Variants in RRM1 observed in about 807,000 individuals in gnomAD.
RRM1 encodes the protein ribonucleoside-diphosphate reductase large subunit.
A neutral mutation model predicts 101.5 loss-of-function variants in RRM1; 19 were observed. The ratio of observed to expected loss-of-function variants is 0.19; its 90% CI spans 0.13 to 0.27. The LOEUF (loss-of-function observed/expected upper bound fraction) is 0.27, where lower values mean the gene tolerates loss of function less well. RRM1 is among the 10% of genes least tolerant of loss of function. The probability of loss-of-function intolerance (pLI) is 1.00; values close to 1 mark genes in which losing one functional copy is unlikely to be tolerated. For synonymous variants in RRM1, 298 were observed against 323.4 expected (o/e 0.92, Z 0.84); for missense variants, 500 against 962.9 (o/e 0.52, Z 6.36).
At chr11:4,125,284 C>T (rs978664995) in intron 12 of RRM1, among the ~76,000 whole-genome samples, 2 of 152,112 alleles carry the variant, frequency 1.3e-5, no homozygotes, top group Non-Finnish European at 2.9e-5. Context: ...TTCCCTTCTT[C>T]CCTCAGCCCT....
intron 18 of RRM1, among the ~76,000 whole-genome samples, chr11:4,135,587 C>T (rs1414184543): frequency 1.3e-5 from 2 of 152,140 alleles, no homozygotes; most frequent in Non-Finnish European, 2.9e-5. Context: ...TATCTTCCTT[C>T]CTTTTCTGCT....
At chr11:4,121,941 A>G (rs2094582511) in intron 10 of RRM1, among the ~76,000 whole-genome samples, 176 bp downstream of exon 10, 1 of 152,242 alleles carries the variant, frequency 6.6e-6, no homozygotes. Flanking sequence ...TCTAAAGTAG[A>G]TGCTTTGTGA....
Position 4,112,256 on chromosome 11 carries a change from C to T in RRM1, c.650+194C>T, listed in dbSNP as rs549775580. Among the ~76,000 whole-genome samples the T allele has an allele frequency of 8.5e-5, 13 of 152,204 alleles. No homozygotes were observed. The East Asian group carries it at 2.5e-3, about 29-fold the overall frequency. On this transcript the variant is annotated intron_variant, in intron 7 of 18. Coordinates refer to ENST00000300738, the MANE Select transcript of RRM1 (RefSeq NM_001033.5). ...GGCAAATGCTTATAACAAAAATGTT[C>T]TAAAATTGATTGGATTGTGGTGATG... is the stretch of plus-strand genomic sequence containing the variant.
chr11:4,107,633 T>C, intron 4 of RRM1, 98 bp downstream of exon 4: 1 of 703,916 alleles, frequency 1.4e-6, no homozygotes. Context: ...TACAGGTAAA[T>C]ACTAATTCTG....
At chr11:4,098,217 A>G (rs902083635) in intron 1 of RRM1, among the ~76,000 whole-genome samples, 4 of 152,222 alleles carry the variant, frequency 2.6e-5, no homozygotes, top group African/African-American at 9.7e-5. Flanking sequence ...ATGTCTTTGA[A>G]AGCATCCATT....
At position 4,121,780 on chromosome 11, in the gene RRM1, C is replaced by T. The variant is rs372832163; in HGVS notation, c.1038+15C>T. 2.5e-6 allele frequency: 4 copies of T among 1,575,472 alleles called. No individual in the cohort carries two copies. Among genetic ancestry groups the T allele is most frequent in the Non-Finnish European group, 3.4e-6 (4 of 1,164,404 alleles). On this transcript the variant is annotated intron_variant, in intron 10 of 18. Transcript: ENST00000300738. Reference sequence around the variant, plus strand: ...AGACTAATCAGGTGAGAGATAGGTACTTGTTGGTAATAGCAACTTGATTCA... The same window carrying T: ...AGACTAATCAGGTGAGAGATAGGTATTTGTTGGTAATAGCAACTTGATTCA...
chr11:4,094,781 A>T (rs992845561), upstream of RRM1: 192 of 589,396 alleles, frequency 3.3e-4, no homozygotes, highest in Non-Finnish European at 2.3e-4. Flanking sequence ...GAGTAACGTC[A>T]TTCGAACCCC....
chr11:4,105,836 A>AT (rs1413731077), intron 2 of RRM1: 2 of 534,228 alleles, frequency 3.7e-6, no homozygotes, highest in Non-Finnish European at 6.6e-6. Context: ...AAGTGCTGTG[A>AT]TTATGGGTGT....
In RRM1 at chr11:4,111,729, A is replaced by C. The variant is rs538849390; in HGVS notation, c.487+89A>C. On this transcript the variant is annotated intron_variant, in intron 6 of 18. Transcript: ENST00000300738. The stretch of plus-strand genomic sequence containing the variant: ...GCTATAAGTCTTAATATTCTTGCTT[A>C]GACTCTAGATAACATTTTGGACTTT... The C allele has an allele frequency of 1.8e-4, 236 of 1,296,992 alleles. 1 individual carries two copies. The South Asian group carries it at 3.1e-3, about 17-fold the overall frequency. 80.3% of individuals were successfully genotyped at this position (1,296,992 alleles called of 1,614,324 possible).
chr11:4,130,223 G>T (rs2094597666), intron 15 of RRM1, among the ~76,000 whole-genome samples: 2 of 150,470 alleles, frequency 1.3e-5, no homozygotes, highest in Admixed American at 6.6e-5. Context: ...AAAATAGAAA[G>T]TAAAAGCCCT....
At chr11:4,097,749 G>A (rs942836803) in intron 1 of RRM1, among the ~76,000 whole-genome samples, 1 of 152,080 alleles carries the variant, frequency 6.6e-6, no homozygotes, top group Non-Finnish European at 1.5e-5. Flanking sequence ...GTGCCACCAC[G>A]CCTGGCTAGT....
At chr11:4,119,481 C>T (rs1375936369) in intron 8 of RRM1, among the ~76,000 whole-genome samples, 1 of 152,108 alleles carries the variant, frequency 6.6e-6, no homozygotes, top group East Asian at 1.9e-4. Flanking sequence ...GGGAAAAAGG[C>T]ATTGTAGTAG....
chr11:4,123,104 T>C, intron 11 of RRM1, 79 bp from the exon 12 acceptor site: 2 of 1,057,398 alleles, frequency 1.9e-6, no homozygotes, highest in Non-Finnish European at 2.7e-6. Flanking sequence ...CATAACTTTA[T>C]ATTTTAATGT....
chr11:4,098,024 A>G (rs1335618962), intron 1 of RRM1, among the ~76,000 whole-genome samples: 1 of 152,248 alleles, frequency 6.6e-6, no homozygotes, highest in Non-Finnish European at 1.5e-5. Flanking sequence ...TATGGTTAAA[A>G]AAATAAACAT....
intron 12 of RRM1, among the ~76,000 whole-genome samples, chr11:4,126,102 G>A (rs1470704813): frequency 6.6e-6 from 1 of 152,216 alleles, no homozygotes; most frequent in Non-Finnish European, 1.5e-5. Context: ...TCGTGTAGTG[G>A]AGAAATCACT....
At chr11:4,123,608 A>G (rs1459641825) in intron 12 of RRM1, among the ~76,000 whole-genome samples, 1 of 152,200 alleles carries the variant, frequency 6.6e-6, no homozygotes, top group Non-Finnish European at 1.5e-5. Flanking sequence ...GTTTTTTCTT[A>G]TACACACATC....
At chr11:4,135,717 C>T (rs2094608442) in intron 18 of RRM1, among the ~76,000 whole-genome samples, 1 of 152,110 alleles carries the variant, frequency 6.6e-6, no homozygotes, top group African/African-American at 2.4e-5. Flanking sequence ...CAAAAACATC[C>T]ATTGTTTTCT....
At chr11:4,127,845 T>G (rs1401066209) in intron 14 of RRM1, among the ~76,000 whole-genome samples, 1 of 152,230 alleles carries the variant, frequency 6.6e-6, no homozygotes, top group Non-Finnish European at 1.5e-5. Flanking sequence ...TTCTGTGGGT[T>G]AAAACATGGC....
At chr11:4,103,864 A>G (rs1384009047) in intron 2 of RRM1, among the ~76,000 whole-genome samples, 1 of 143,250 alleles carries the variant, frequency 7.0e-6, no homozygotes, top group Non-Finnish European at 1.5e-5. Flanking sequence ...CCTGACCTCA[A>G]GTTATCTGTC....
Sources: allele counts gnomAD v4.1 joint callset (sites outside exome capture counted in the v4.1 genomes callset), GRCh38; gene constraint gnomAD v4.1.1; transcripts MANE v1.5; gene names NCBI Gene and HGNC (gene_info 2026-07-23, HGNC 2026-07-21).